The following ATM variants were observed in gnomAD, a reference collection of about 807,000 sequenced individuals.
ATM encodes serine-protein kinase ATM.
A neutral mutation model predicts 387.0 loss-of-function variants in ATM; 308 were observed. The observed-to-expected ratio is 0.80, with a 90% CI of 0.73 to 0.87. The LOEUF is 0.87. Among genes scored for constraint, ATM ranks in the 40% least tolerant of loss-of-function variants. The probability of loss-of-function intolerance (pLI) is 0.00; values close to 1 mark genes in which losing one functional copy is unlikely to be tolerated. For missense variants in ATM, 3,312 were observed against 3,560.9 expected (o/e 0.93, Z 1.78); for synonymous variants, 1,156 against 1,187.3 (o/e 0.97, Z 0.54).
chr11:108,331,637 T>C lies in ATM; in HGVS notation c.7629+80T>C, dbSNP rs987012334. 2.1e-6 allele frequency: 3 copies of C among 1,420,208 alleles called. No homozygotes were observed. The Admixed American group carries it at 8.2e-5, about 39-fold the overall frequency. The allele number at this position is 1,420,208 out of a possible 1,614,324, so 88.0% of individuals were successfully genotyped here. On this transcript the variant is annotated intron_variant, in intron 51 of 62. Transcript: ENST00000675843. ...TATATTATATAAAGTATATATACCA[T>C]TCCCTCTAAGAAATGGAAATACAAA... is the stretch of plus-strand genomic sequence containing the variant.
intron 5 of ATM, among the ~76,000 whole-genome samples, chr11:108,242,579 A>C (rs1253370863): frequency 6.6e-6 from 1 of 152,162 alleles, no homozygotes; most frequent in African/African-American, 2.4e-5. Context: ...TTATTTGGGG[A>C]CTGGGCACAG....
In ATM at chr11:108,365,146, A is replaced by G. The variant is rs763773991; in HGVS notation, c.8915A>G (p.Gln2972Arg). The change falls in exon 62 of 63, where the codon CAG becomes CGG. Residue 2972 changes from glutamine (Q) to arginine (R), a missense_variant. By Grantham distance (43) the Gln-to-Arg change is conservative (BLOSUM62 1). Transcript: ENST00000675843. ...CCTTTGAAAGCTTTGTATTTACAGC[A>G]GAGGCCGGAAGATGAAACTGAGCTT... ...MNPLKALYLQ[Q>R]RPEDETELHP... is the part of the protein sequence containing the mutation. The G allele has an allele frequency of 9.3e-6, 15 of 1,614,224 alleles. No homozygotes were observed. The South Asian group carries it at 1.2e-4, about 13-fold the overall frequency.
intron 33 of ATM, among the ~76,000 whole-genome samples, chr11:108,299,234 T>C (rs747742104): frequency 2.0e-5 from 3 of 152,156 alleles, no homozygotes; most frequent in Non-Finnish European, 2.9e-5. Flanking sequence ...TAAATTTTCA[T>C]TGAACTGTGT....
Position 108,331,971 on chromosome 11 carries a change from A to C in ATM, c.7722A>C (p.Lys2574Asn). 6.2e-7 allele frequency: 1 copy of C among 1,614,088 alleles called. No individual in the cohort carries two copies. ...ANANRDEFLT[K>N]PEVARRSRIT... ...CAAACAGAGATGAATTTCTGACTAAACCAGAGGTAGCCAGAAGAAGCAGAA... is the reference window on the plus strand; with the variant it reads ...CAAACAGAGATGAATTTCTGACTAACCCAGAGGTAGCCAGAAGAAGCAGAA... Residue 2574 changes from lysine (K) to asparagine (N), a missense_variant, in exon 52 of 63, where the codon AAA (lysine) becomes AAC (asparagine). Coordinates refer to ENST00000675843, the MANE Select transcript of ATM (RefSeq NM_000051.4).
At chr11:108,235,421 T>C (rs2079216940) in intron 4 of ATM, among the ~76,000 whole-genome samples, 1 of 152,192 alleles carries the variant, frequency 6.6e-6, no homozygotes, top group Non-Finnish European at 1.5e-5. Context: ...TGGTCACCTC[T>C]GTCTTAATTA....
In ATM at chr11:108,354,848, C is replaced by T. The variant is rs1591314316; in HGVS notation, c.8824C>T (p.Gln2942Ter). The T allele has an allele frequency of 2.5e-6, 4 of 1,613,812 alleles. No individual in the cohort carries two copies. The highest frequency in any genetic ancestry group is 3.4e-6 in the Non-Finnish European group (4 of 1,179,718). Reference protein sequence around the residue: ...EKTMEVMRNSQETLLTIVEVL... With the variant: ...EKTMEVMRNS Reference sequence around the variant, plus strand: ...AACCATGGAAGTGATGAGAAACTCTCAGGAAACTCTGTTAACCATTGTAGA... The same window carrying T: ...AACCATGGAAGTGATGAGAAACTCTTAGGAAACTCTGTTAACCATTGTAGA... Residue 2942 changes from glutamine to a stop codon, truncating the protein, a stop_gained, in exon 61 of 63, where the codon CAG becomes TAG. Coordinates refer to ENST00000675843, the MANE Select transcript of ATM (RefSeq NM_000051.4). LOFTEE classifies it high-confidence loss of function.
chr11:108,282,635 A>G, intron 24 of ATM, 75 bp from the exon 25 acceptor site: 2 of 1,412,118 alleles, frequency 1.4e-6, no homozygotes, highest in Non-Finnish European at 2.0e-6. Context: ...GTCCTACTCT[A>G]AATAATATTA....
intron 61 of ATM, among the ~76,000 whole-genome samples, chr11:108,361,951 A>G (rs1280095119): frequency 7.1e-6 from 1 of 140,916 alleles, no homozygotes; most frequent in Non-Finnish European, 1.5e-5. Context: ...GACAAATGGG[A>G]TCTAATTAAA....
chr11:108,338,641 G>A, intron 56 of ATM, among the ~76,000 whole-genome samples: 1 of 151,564 alleles, frequency 6.6e-6, no homozygotes, highest in Non-Finnish European at 1.5e-5. Flanking sequence ...GGACAACAGA[G>A]CAAGAACTTG....
chr11:108,295,406 G>A (rs560357081), intron 32 of ATM: 1 of 269,910 alleles, frequency 3.7e-6, no homozygotes, highest in African/African-American at 2.3e-5. Flanking sequence ...AACTTACTAT[G>A]ACCTTGAATT....
At chr11:108,293,503 T>C (rs1191870873) in intron 31 of ATM, 26 bp downstream of exon 31, 3 of 1,567,200 alleles carry the variant, frequency 1.9e-6, no homozygotes, top group South Asian at 2.2e-5. Flanking sequence ...TCATCTACTA[T>C]TTTTTATTAG....
In ATM at chr11:108,330,195, CTTAA is replaced by C; in HGVS notation, c.7308-15_7308-12del. On this transcript the variant is annotated splice_polypyrimidine_tract_variant and intron_variant, in intron 49 of 62. Coordinates refer to ENST00000675843, the MANE Select transcript of ATM (RefSeq NM_000051.4). Reference sequence around the variant, plus strand: ...AAAGTTCATGGCTTTTGTGTTTTACCTTAATTATTCTATGCAAGATACACAGTAA... The same window carrying C: ...AAAGTTCATGGCTTTTGTGTTTTACCTTATTCTATGCAAGATACACAGTAA... 6.2e-7 allele frequency: 1 copy of C among 1,609,252 alleles called. No individual in the cohort carries two copies. Among genetic ancestry groups the C allele is most frequent in the Non-Finnish European group, 8.5e-7 (1 of 1,176,408 alleles).
At chr11:108,327,962 G>A (rs2085850796) in intron 48 of ATM, among the ~76,000 whole-genome samples, 1 of 152,164 alleles carries the variant, frequency 6.6e-6, no homozygotes, top group Non-Finnish European at 1.5e-5. Flanking sequence ...GTAAGCCCAA[G>A]TATAGTATCT....
chr11:108,254,328 GA>G (rs927413007), intron 13 of ATM, among the ~76,000 whole-genome samples: 29 of 152,062 alleles, frequency 1.9e-4, no homozygotes, highest in East Asian at 3.9e-4. Context: ...ATTATATGAT[GA>G]AAAAAACCTC....
At chr11:108,243,383 T>C (rs1315718881) in intron 5 of ATM, among the ~76,000 whole-genome samples, 2 of 152,154 alleles carry the variant, frequency 1.3e-5, no homozygotes, top group East Asian at 3.9e-4. Flanking sequence ...GAGACCAAGG[T>C]GGGTAGATCA....
At position 108,287,167 on chromosome 11, in the gene ATM, G is replaced by A. The variant is rs138894096; in HGVS notation, c.3994-433G>A. 270 of 155,942 alleles carry A rather than the reference G, an allele frequency of 1.7e-3. 1 individual carries two copies. The Middle Eastern group carries it at 0.036, about 21-fold the overall frequency. The allele number at this position is 155,942 out of a possible 1,614,324, so 9.7% of individuals were successfully genotyped here. Reference sequence around the variant, plus strand: ...GCAGGGAACAAAGATGACATTGTTCGCAGTCCCTGGGAATTCTTAACAGTA... The same window carrying A: ...GCAGGGAACAAAGATGACATTGTTCACAGTCCCTGGGAATTCTTAACAGTA... On this transcript the variant is annotated intron_variant, in intron 26 of 62. Transcript: ENST00000675843.
rs75959910 is a variant in ATM, at chr11:108,367,707, C to G, written c.*2199C>G. 3,945 of 216,066 alleles carry G rather than the reference C, an allele frequency of 0.018. 110 individuals carry two copies. Among genetic ancestry groups the G allele is most frequent in the African/African-American group, 0.069 (3,065 of 44,428 alleles). The allele number at this position is 216,066 out of a possible 1,614,324, so 13.4% of individuals were successfully genotyped here. A position where few individuals can be genotyped will look rare whatever the true frequency, so the allele number is the denominator to read the frequency against. Reference sequence around the variant, plus strand: ...TGGCAGGCACTCATTCATATTTGATCTCCTCACCTTCCCCTCCCCTAAAAC... The same window carrying G: ...TGGCAGGCACTCATTCATATTTGATGTCCTCACCTTCCCCTCCCCTAAAAC... On this transcript the variant is annotated 3_prime_UTR_variant, in exon 63 of 63. Transcript: ENST00000675843.
intron 35 of ATM, among the ~76,000 whole-genome samples, chr11:108,302,223 A>T (rs2083467944): frequency 6.6e-6 from 1 of 152,076 alleles, no homozygotes; most frequent in African/African-American, 2.4e-5. Flanking sequence ...CCATGTTGAT[A>T]TCGTAATAAG....
At position 108,331,572 on chromosome 11, in the gene ATM, AAATC is replaced by A; in HGVS notation, c.7629+18_7629+21del. On this transcript the variant is annotated intron_variant, in intron 51 of 62. Coordinates refer to ENST00000675843, the MANE Select transcript of ATM (RefSeq NM_000051.4). ...TCCTCAATAATGTAAGTAAACCTGA[AAATC>A]AAACCACAATAATTATTTTTATTCT... The A allele has an allele frequency of 6.3e-7, 1 of 1,599,412 alleles. No homozygotes were observed. The highest frequency in any genetic ancestry group is 8.5e-7 in the Non-Finnish European group (1 of 1,173,558).
Sources: gnomAD v4.1 joint callset for allele counts (sites outside exome capture counted in the v4.1 genomes callset) on GRCh38, gnomAD v4.1.1 for gene constraint, MANE v1.5 for transcripts, NCBI Gene and HGNC (gene_info 2026-07-23, HGNC 2026-07-21) for gene names.